ARHGAP28: variants seen among roughly 807,000 people sequenced by gnomAD.
ARHGAP28 encodes the protein Rho GTPase activating protein 28.
A neutral mutation model predicts 90.7 loss-of-function variants in ARHGAP28; 56 were observed. The observed-to-expected ratio is 0.62, with a 90% CI of 0.50 to 0.77. The LOEUF is 0.77. ARHGAP28 is among the 30% of genes least tolerant of loss of function. The pLI is 0.00. For synonymous variants in ARHGAP28, 308 were observed against 323.3 expected (o/e 0.95, Z 0.51); for missense variants, 869 against 900.9 (o/e 0.96, Z 0.45).
At chr18:6,864,300 G>A (rs1023624159) in intron 5 of ARHGAP28, among the ~76,000 whole-genome samples, 4 of 152,030 alleles carry the variant, frequency 2.6e-5, no homozygotes, top group Admixed American at 6.6e-5. Flanking sequence ...TCCTGACCTC[G>A]TGATCCACCT....
intron 1 of ARHGAP28, among the ~76,000 whole-genome samples, chr18:6,771,542 C>G (rs2056243013): frequency 1.3e-5 from 2 of 152,158 alleles, no homozygotes; most frequent in Admixed American, 1.3e-4. Flanking sequence ...TTTTGAGATT[C>G]AGGATCTTTC....
intron 1 of ARHGAP28, among the ~76,000 whole-genome samples, chr18:6,820,251 C>T (rs1241025072): frequency 6.6e-6 from 1 of 151,946 alleles, no homozygotes; most frequent in Admixed American, 6.5e-5. Flanking sequence ...ATTGGATATT[C>T]TTGATATGAA....
At chr18:6,851,564 ATAAG>A (rs1264370652) in intron 4 of ARHGAP28, among the ~76,000 whole-genome samples, 2 of 152,238 alleles carry the variant, frequency 1.3e-5, no homozygotes, top group Non-Finnish European at 2.9e-5. Context: ...CGTTCTACTC[ATAAG>A]TAATATATAT....
chr18:6,772,506 G>GT (rs1401182365), intron 1 of ARHGAP28, among the ~76,000 whole-genome samples: 1 of 152,092 alleles, frequency 6.6e-6, no homozygotes, highest in African/African-American at 2.4e-5. Flanking sequence ...CAACCATTCT[G>GT]TTTTTCACTT....
intron 16 of ARHGAP28, among the ~76,000 whole-genome samples, chr18:6,904,690 G>T (rs1003263512): frequency 6.6e-6 from 1 of 152,112 alleles, no homozygotes; most frequent in African/African-American, 2.4e-5. Flanking sequence ...CTCCTAGAAA[G>T]ACTAACAAAG....
chr18:6,804,872 C>T (rs2143648180), intron 1 of ARHGAP28, among the ~76,000 whole-genome samples: 1 of 152,256 alleles, frequency 6.6e-6, no homozygotes, highest in East Asian at 1.9e-4. Context: ...AACGTGTATT[C>T]TGCTATTAAT....
chr18:6,875,307 T>C (rs1439496140), intron 9 of ARHGAP28, among the ~76,000 whole-genome samples: 3 of 152,238 alleles, frequency 2.0e-5, no homozygotes, highest in Non-Finnish European at 2.9e-5. Context: ...AGAGAGGCTT[T>C]TCTTACAGAC....
intron 2 of ARHGAP28, among the ~76,000 whole-genome samples, chr18:6,836,605 AT>A (rs1450853566): frequency 2.6e-5 from 4 of 152,076 alleles, no homozygotes; most frequent in Non-Finnish European, 5.9e-5. Context: ...ATATGGAGGA[AT>A]TGGGAGGAGT....
At chr18:6,731,197 T>C (rs1208232958) in intron 1 of ARHGAP28, among the ~76,000 whole-genome samples, 1 of 152,204 alleles carries the variant, frequency 6.6e-6, no homozygotes, top group African/African-American at 2.4e-5. Flanking sequence ...AGATATAAAC[T>C]GGCATTTGTC....
chr18:6,827,489 C>T (rs1166815175), intron 2 of ARHGAP28, among the ~76,000 whole-genome samples: 2 of 138,042 alleles, frequency 1.4e-5, no homozygotes, highest in South Asian at 4.7e-4. Flanking sequence ...GTAGGGGCGG[C>T]CGGGCAGAGG....
chr18:6,782,188 G>A (rs1024012718), intron 1 of ARHGAP28, among the ~76,000 whole-genome samples: 1 of 152,096 alleles, frequency 6.6e-6, no homozygotes, highest in Non-Finnish European at 1.5e-5. Context: ...AGCAGAGCAT[G>A]TCCTTGGTTT....
intron 1 of ARHGAP28, among the ~76,000 whole-genome samples, chr18:6,749,885 G>A (rs552314079): frequency 1.3e-5 from 2 of 152,262 alleles, no homozygotes; most frequent in East Asian, 1.9e-4. Context: ...ATAGTAAAGT[G>A]TAGGTAGCTT....
At chr18:6,839,647 C>G (rs2056789100) in intron 3 of ARHGAP28, among the ~76,000 whole-genome samples, 1 of 152,162 alleles carries the variant, frequency 6.6e-6, no homozygotes, top group South Asian at 2.1e-4. Flanking sequence ...CAGCCTCCCC[C>G]TTCACTTGCA....
chr18:6,839,847 A>G (rs2056791055), intron 3 of ARHGAP28, among the ~76,000 whole-genome samples: 1 of 152,180 alleles, frequency 6.6e-6, no homozygotes, highest in South Asian at 2.1e-4. Flanking sequence ...TGTTCATTTG[A>G]CTTATGATGT....
At chr18:6,828,380 C>G (rs8088691) in intron 2 of ARHGAP28, among the ~76,000 whole-genome samples, 17,581 of 151,878 alleles carry the variant, frequency 0.12, 1,622 homozygotes, top group African/African-American at 0.26. Context: ...GAGGGAGAGA[C>G]AGAGGAGGAG....
intron 11 of ARHGAP28, among the ~76,000 whole-genome samples, chr18:6,884,737 G>A (rs1471950543): frequency 1.3e-5 from 2 of 152,130 alleles, no homozygotes; most frequent in Non-Finnish European, 2.9e-5. Flanking sequence ...TTTGGGTGAA[G>A]TTTATACCAG....
At chr18:6,855,625 C>T (rs1208301596) in intron 4 of ARHGAP28, among the ~76,000 whole-genome samples, 2 of 152,234 alleles carry the variant, frequency 1.3e-5, no homozygotes, top group Non-Finnish European at 2.9e-5. Context: ...ATAAACAGGG[C>T]TGAAACACGC....
chr18:6,852,107 A>G (rs1035297941), intron 4 of ARHGAP28, among the ~76,000 whole-genome samples: 1 of 152,240 alleles, frequency 6.6e-6, no homozygotes, highest in Non-Finnish European at 1.5e-5. Context: ...TGAACGTCTT[A>G]TAATCTCATT....
chr18:6,891,594 T>C (rs1315265823), intron 14 of ARHGAP28, among the ~76,000 whole-genome samples: 2 of 151,764 alleles, frequency 1.3e-5, no homozygotes, highest in African/African-American at 4.8e-5. Flanking sequence ...TGGAGCTACA[T>C]TTCTTTTTAT....
Sources: gnomAD v4.1 joint callset for allele counts (sites outside exome capture counted in the v4.1 genomes callset) on GRCh38, gnomAD v4.1.1 for gene constraint, MANE v1.5 for transcripts, NCBI Gene and HGNC (gene_info 2026-07-23, HGNC 2026-07-21) for gene names.